The following FGF12 variants were observed in gnomAD, a reference collection of about 807,000 sequenced individuals.
FGF12 encodes fibroblast growth factor 12, also known as fibroblast growth factor 12B.
A neutral mutation model predicts 23.6 loss-of-function variants in FGF12; 14 were observed. That is an observed-to-expected ratio of 0.59 (90% confidence interval 0.39 to 0.93). The LOEUF (loss-of-function observed/expected upper bound fraction) is 0.93. Ranked by LOEUF, FGF12 falls within the 40% of genes least tolerant of loss-of-function variation. The pLI, the probability that FGF12 is intolerant of heterozygous loss-of-function variation, is 0.00. For missense variants in FGF12, 175 were observed against 217.8 expected, an observed-to-expected ratio of 0.80 and a Z score of 1.24; for synonymous variants, 62 against 77.3, an observed-to-expected ratio of 0.80 and a Z score of 1.04.
At chr3:192,359,371 T>C (rs969401366) in intron 3 of FGF12, among the ~76,000 whole-genome samples, 2 of 152,220 alleles carry the variant, frequency 1.3e-5, no homozygotes, top group African/African-American at 4.8e-5. Flanking sequence ...ACAAAATATC[T>C]AGCTTCCTAA....
intron 2 of FGF12, among the ~76,000 whole-genome samples, chr3:192,482,026 T>C (rs1420841033): frequency 6.6e-6 from 1 of 152,160 alleles, no homozygotes; most frequent in African/African-American, 2.4e-5. Context: ...TAGTAACTAA[T>C]GGGGACTCCT....
chr3:192,406,448 T>A (rs1280701595), intron 2 of FGF12, among the ~76,000 whole-genome samples: 1 of 151,966 alleles, frequency 6.6e-6, no homozygotes, highest in Non-Finnish European at 1.5e-5. Flanking sequence ...GTAGACCACA[T>A]AAGCCCTAAG....
chr3:192,189,922 CTT>C (rs34125871), intron 4 of FGF12, among the ~76,000 whole-genome samples: 16,258 of 151,984 alleles, frequency 0.11, 995 homozygotes, highest in South Asian at 0.23. Context: ...GTTTTAAGGA[CTT>C]TTGTGTTTGA....
At chr3:192,180,501 G>A (rs1716112328) in intron 4 of FGF12, among the ~76,000 whole-genome samples, 2 of 152,154 alleles carry the variant, frequency 1.3e-5, no homozygotes, top group Admixed American at 1.3e-4. Context: ...GGCAAGATAT[G>A]TGCTTCTAGT....
intron 2 of FGF12, among the ~76,000 whole-genome samples, chr3:192,541,621 G>A (rs914648026): frequency 6.6e-6 from 1 of 152,068 alleles, no homozygotes; most frequent in Non-Finnish European, 1.5e-5. Context: ...TTACCAGTGA[G>A]TTTTGCACCT....
At chr3:192,191,398 T>C (rs902433105) in intron 4 of FGF12, among the ~76,000 whole-genome samples, 4 of 152,216 alleles carry the variant, frequency 2.6e-5, no homozygotes, top group Admixed American at 1.3e-4. Context: ...GATATGTCAG[T>C]GCAGGGTCAT....
intron 2 of FGF12, among the ~76,000 whole-genome samples, chr3:192,633,110 A>C (rs971343390): frequency 1.3e-5 from 2 of 151,982 alleles, no homozygotes; most frequent in Non-Finnish European, 2.9e-5. Context: ...CAGAGGCATG[A>C]TCTCGGCTCA....
rs72092968 is a variant in FGF12, at chr3:192,146,273, T to TA, written c.428-2147_428-2146insT. 1.0e-3 allele frequency among the ~76,000 whole-genome samples: 18 copies of TA among 18,012 alleles called. No homozygotes were observed. The South Asian group carries it at 0.015, about 15-fold the overall frequency. The allele number at this position is 18,012 out of a possible 152,430, so 11.8% of individuals were successfully genotyped here. A position where few individuals can be genotyped will look rare whatever the true frequency, so the allele number is the denominator to read the frequency against. On this transcript the variant is annotated intron_variant, in intron 5 of 5. Coordinates refer to ENST00000445105, the MANE Select transcript of FGF12 (RefSeq NM_004113.6). The stretch of plus-strand genomic sequence containing the variant: ...TTTCTAATTTTCATTAAAGTGTATA[T>TA]TTTTTTTTTTTTTTTGAGACGGAGT...
chr3:192,709,918 G>A (rs1718610452), intron 2 of FGF12, among the ~76,000 whole-genome samples: 1 of 152,150 alleles, frequency 6.6e-6, no homozygotes, highest in Non-Finnish European at 1.5e-5. Flanking sequence ...TCATTATCCT[G>A]TTTTGCCAAC....
intron 2 of FGF12, among the ~76,000 whole-genome samples, chr3:192,554,482 T>C (rs371480170): frequency 3.9e-5 from 6 of 152,298 alleles, no homozygotes; most frequent in East Asian, 3.9e-4. Flanking sequence ...CTAATGAATT[T>C]ATATGCACAA....
At chr3:192,563,174 T>C (rs1712124965) in intron 2 of FGF12, among the ~76,000 whole-genome samples, 1 of 152,162 alleles carries the variant, frequency 6.6e-6, no homozygotes, top group Non-Finnish European at 1.5e-5. Context: ...CAATTTCAGT[T>C]CAAAATAACA....
At chr3:192,385,578 C>T (rs558045480) in intron 2 of FGF12, among the ~76,000 whole-genome samples, 22 of 152,028 alleles carry the variant, frequency 1.4e-4, no homozygotes, top group Admixed American at 9.8e-4. Flanking sequence ...GCTCATAGTT[C>T]AGACCTCTTC....
At chr3:192,160,534 C>G (rs896595961) in intron 5 of FGF12, among the ~76,000 whole-genome samples, 1 of 152,194 alleles carries the variant, frequency 6.6e-6, no homozygotes, top group Non-Finnish European at 1.5e-5. Context: ...TTACCTTCAT[C>G]ATCCTTTTTA....
chr3:192,652,310 T>C (rs1357712833), intron 2 of FGF12, among the ~76,000 whole-genome samples: 1 of 152,080 alleles, frequency 6.6e-6, no homozygotes, highest in Admixed American at 6.5e-5. Flanking sequence ...ATAGGGAGCA[T>C]AGCAAGGGAA....
intron 2 of FGF12, among the ~76,000 whole-genome samples, chr3:192,459,811 AAAG>A (rs1303885642): frequency 1.4e-5 from 2 of 148,134 alleles, no homozygotes; most frequent in Non-Finnish European, 2.9e-5. Flanking sequence ...AATAATCTGA[AAAG>A]AAATCTTTCC....
chr3:192,218,118 C>T (rs1254160129), intron 4 of FGF12, among the ~76,000 whole-genome samples: 1 of 152,168 alleles, frequency 6.6e-6, no homozygotes, highest in Non-Finnish European at 1.5e-5. Flanking sequence ...CAAGCGTCAG[C>T]CACCACGCCT....
At chr3:192,488,093 C>T (rs1322976979) in intron 2 of FGF12, among the ~76,000 whole-genome samples, 1 of 152,090 alleles carries the variant, frequency 6.6e-6, no homozygotes, top group Admixed American at 6.6e-5. Flanking sequence ...ACACCAGTTA[C>T]TTAACTATAA....
intron 2 of FGF12, among the ~76,000 whole-genome samples, chr3:192,559,489 G>A (rs1241097353): frequency 1.3e-5 from 2 of 151,882 alleles, no homozygotes; most frequent in East Asian, 3.9e-4. Flanking sequence ...CTATGATGGT[G>A]TATATATGTT....
At position 192,378,555 on chromosome 3, in the gene FGF12, G is replaced by A. The variant is rs538561297; in HGVS notation, c.14-18017C>T. On this transcript the variant is annotated intron_variant, in intron 2 of 5. Transcript: ENST00000445105. ...TAAATTTAAGATTTCCAAAAGTAACGGAACAGGGATTCATTTTCGTCATTT... is the reference window on the plus strand; with the variant it reads ...TAAATTTAAGATTTCCAAAAGTAACAGAACAGGGATTCATTTTCGTCATTT... Among the ~76,000 whole-genome samples, 10 of 152,084 alleles carry A rather than the reference G, an allele frequency of 6.6e-5. No homozygotes were observed. The East Asian group carries it at 1.5e-3, about 24-fold the overall frequency.
Sources: allele counts gnomAD v4.1 joint callset (sites outside exome capture counted in the v4.1 genomes callset), GRCh38; gene constraint gnomAD v4.1.1; transcripts MANE v1.5; gene names NCBI Gene and HGNC (gene_info 2026-07-23, HGNC 2026-07-21).